Variants in RYR2 observed in about 807,000 individuals in gnomAD.
RYR2 encodes cardiac muscle ryanodine receptor-calcium release channel.
In RYR2, 227 loss-of-function variants were observed where a neutral mutation model predicts 601.1. The ratio of observed to expected loss-of-function variants is 0.38; its 90% CI spans 0.34 to 0.42. The LOEUF (loss-of-function observed/expected upper bound fraction) is 0.42. Ranked by LOEUF, RYR2 falls within the 10% of genes least tolerant of loss-of-function variation. RYR2 has a pLI of 1.00. For synonymous variants in RYR2, 2,223 were observed against 2,175.1 expected (o/e 1.02, Z -0.61); for missense variants, 4,646 against 6,156.5 (o/e 0.75, Z 8.21).
chr1:237,522,277 A>G (rs1421986848), intron 24 of RYR2, among the ~76,000 whole-genome samples: 2 of 152,204 alleles, frequency 1.3e-5, no homozygotes, highest in African/African-American at 4.8e-5. Context: ...ACACTATAAT[A>G]CTAACAATAG....
intron 16 of RYR2, among the ~76,000 whole-genome samples, chr1:237,463,019 A>T (rs1659656424): frequency 6.6e-6 from 1 of 152,128 alleles, no homozygotes. Flanking sequence ...CTCTCCAAGA[A>T]GTTTCAATGC....
At chr1:237,236,172 C>G (rs921173660) in intron 1 of RYR2, among the ~76,000 whole-genome samples, 5 of 152,164 alleles carry the variant, frequency 3.3e-5, no homozygotes, top group African/African-American at 1.2e-4. Flanking sequence ...TATCCCAGAT[C>G]TAAGTAGGAA....
chr1:237,247,098 C>T (rs2149257974), intron 1 of RYR2, among the ~76,000 whole-genome samples: 1 of 152,252 alleles, frequency 6.6e-6, no homozygotes, highest in East Asian at 1.9e-4. Context: ...ATCTGCTTCT[C>T]ATTTTAATTT....
At chr1:237,680,397 C>G in intron 61 of RYR2, 59 bp from the exon 62 acceptor site, 1 of 1,496,452 alleles carries the variant, frequency 6.7e-7, no homozygotes, top group East Asian at 2.3e-5. Flanking sequence ...AGCCTCAGCT[C>G]CCATTCATCC....
chr1:237,590,776 C>G lies in RYR2; in HGVS notation c.3944C>G (p.Ser1315Cys). The G allele has an allele frequency of 6.2e-7, 1 of 1,613,886 alleles. No homozygotes were observed. Among genetic ancestry groups the G allele is most frequent in the East Asian group, 2.2e-5 (1 of 44,854 alleles). ...SMPIECAEVF[S>C]KTVAGGLPGA... Reference sequence around the variant, plus strand: ...CCGATCGAGTGCGCGGAGGTCTTCTCCAAGACGGTGGCTGGAGGGCTCCCT... The same window carrying G: ...CCGATCGAGTGCGCGGAGGTCTTCTGCAAGACGGTGGCTGGAGGGCTCCCT... Residue 1315 changes from serine to cysteine, a missense_variant, in exon 31 of 105, where the codon TCC (serine) becomes TGC (cysteine). Transcript: ENST00000366574.
intron 23 of RYR2, among the ~76,000 whole-genome samples, chr1:237,507,476 G>A (rs1270632607): frequency 6.6e-6 from 1 of 152,128 alleles, no homozygotes; most frequent in African/African-American, 2.4e-5. Context: ...TGTCCCAAAG[G>A]CCATAACACT....
intron 3 of RYR2, among the ~76,000 whole-genome samples, chr1:237,355,352 T>C (rs1470671567): frequency 2.0e-5 from 3 of 152,150 alleles, no homozygotes; most frequent in Non-Finnish European, 4.4e-5. Context: ...GTTTACAGTG[T>C]GGGTATGATT....
Position 237,364,249 on chromosome 1 carries a change from A to G in RYR2, c.295-109A>G, listed in dbSNP as rs569879188. 8 of 941,028 alleles carry G rather than the reference A, an allele frequency of 8.5e-6. No individual in the cohort carries two copies. The Admixed American group carries it at 1.4e-4, about 16-fold the overall frequency. 58.3% of individuals were successfully genotyped at this position (941,028 alleles called of 1,614,324 possible). On this transcript the variant is annotated intron_variant, in intron 4 of 104. Transcript: ENST00000366574. ...GTTTTTTTTTATGTTTATTGTTTAC[A>G]TAGCTCCATTTAGGATAACGGAGTC...
intron 38 of RYR2, among the ~76,000 whole-genome samples, chr1:237,622,547 G>A (rs1056519367): frequency 6.6e-6 from 1 of 152,174 alleles, no homozygotes; most frequent in Non-Finnish European, 1.5e-5. Flanking sequence ...AATAGCTCAT[G>A]TGTATGCAGA....
intron 54 of RYR2, among the ~76,000 whole-genome samples, chr1:237,658,529 C>T (rs542529267): frequency 6.6e-6 from 1 of 152,188 alleles, no homozygotes; most frequent in East Asian, 1.9e-4. Flanking sequence ...GTAGTTGGGA[C>T]TACAGGTGCA....
In RYR2 at chr1:237,833,358, C is replaced by CG. The variant is rs1257039388; in HGVS notation, c.*711_*712insG. 7.6e-6 allele frequency: 1 copy of CG among 130,856 alleles called. No individual in the cohort carries two copies. The highest frequency in any genetic ancestry group is 1.6e-5 in the Non-Finnish European group (1 of 61,594). The allele number at this position is 130,856 out of a possible 1,614,324, so 8.1% of individuals were successfully genotyped here. A position where few individuals can be genotyped will look rare whatever the true frequency, so the allele number is the denominator to read the frequency against. On this transcript the variant is annotated 3_prime_UTR_variant, in exon 105 of 105. Coordinates refer to ENST00000366574, the MANE Select transcript of RYR2 (RefSeq NM_001035.3). ...TCAGCTAAATTCACATTTGCCCCCCCCCCCCGCCCCCGCCCCCATATGCTC... is the reference window on the plus strand; with the variant it reads ...TCAGCTAAATTCACATTTGCCCCCCCGCCCCCGCCCCCGCCCCCATATGCTC...
chr1:237,094,375 C>T (rs944826194), intron 1 of RYR2, among the ~76,000 whole-genome samples: 1 of 152,094 alleles, frequency 6.6e-6, no homozygotes, highest in Non-Finnish European at 1.5e-5. Context: ...TATCACTCAC[C>T]CACTAGGTAA....
chr1:237,685,737 T>G lies in RYR2; in HGVS notation c.9018-1718T>G, dbSNP rs542656236. On this transcript the variant is annotated intron_variant, in intron 62 of 104. Coordinates refer to ENST00000366574, the MANE Select transcript of RYR2 (RefSeq NM_001035.3). Reference sequence around the variant, plus strand: ...AAGGGCACGTGGACAAAGTTTCTCCTGTTTTATTGTCTTAAAATTATAGCA... The same window carrying G: ...AAGGGCACGTGGACAAAGTTTCTCCGGTTTTATTGTCTTAAAATTATAGCA... Among the ~76,000 whole-genome samples the G allele has an allele frequency of 3.9e-5, 6 of 152,326 alleles. No individual in the cohort carries two copies. In the South Asian group the frequency reaches 1.2e-3, roughly 32 times the overall value.
intron 2 of RYR2, among the ~76,000 whole-genome samples, chr1:237,282,474 A>G (rs931412910): frequency 6.6e-6 from 1 of 152,114 alleles, no homozygotes; most frequent in African/African-American, 2.4e-5. Context: ...GTCCATGGCC[A>G]TGATGTGCTT....
intron 6 of RYR2, among the ~76,000 whole-genome samples, chr1:237,373,730 A>T (rs368710028): frequency 1.5e-3 from 228 of 152,330 alleles, no homozygotes; most frequent in African/African-American, 5.3e-3. Context: ...ATGGTGTTGC[A>T]AGAGTGATTA....
At chr1:237,588,453 A>G (rs1417729640) in intron 29 of RYR2, among the ~76,000 whole-genome samples, 1 of 152,144 alleles carries the variant, frequency 6.6e-6, no homozygotes, top group African/African-American at 2.4e-5. Context: ...ATGCTCTACA[A>G]ATTAGAGGAT....
chr1:237,385,478 C>T (rs79250933), intron 8 of RYR2, among the ~76,000 whole-genome samples: 19,021 of 152,188 alleles, frequency 0.12, 1,563 homozygotes, highest in East Asian at 0.36. Context: ...TATGAGATTA[C>T]AAGCACCCTT....
intron 1 of RYR2, among the ~76,000 whole-genome samples, chr1:237,206,453 A>G (rs60607268): frequency 0.089 from 13,523 of 152,244 alleles, 675 homozygotes; most frequent in East Asian, 0.18. Flanking sequence ...TTTTACCAAT[A>G]AAGATTGTTG....
chr1:237,445,543 G>C (rs185160873), intron 14 of RYR2, 21 bp downstream of exon 14: 19 of 1,611,860 alleles, frequency 1.2e-5, no homozygotes, highest in Admixed American at 1.7e-5. Flanking sequence ...TTTTGTAGGC[G>C]TAGTTGTTTG....
Sources: gnomAD v4.1 joint callset for allele counts (sites outside exome capture counted in the v4.1 genomes callset) on GRCh38, gnomAD v4.1.1 for gene constraint, MANE v1.5 for transcripts, NCBI Gene and HGNC (gene_info 2026-07-23, HGNC 2026-07-21) for gene names.